The following SLIT2 variants were observed in gnomAD, a reference collection of about 807,000 sequenced individuals.
SLIT2 encodes the protein slit homolog 2 protein.
Under a neutral mutation model 185.7 loss-of-function variants are expected in SLIT2, and 41 were observed. The observed-to-expected ratio is 0.22, with a 90% CI of 0.17 to 0.29. The LOEUF (loss-of-function observed/expected upper bound fraction) is 0.29, where lower values mean the gene tolerates loss of function less well. Ranked by LOEUF, SLIT2 falls within the 10% of genes least tolerant of loss-of-function variation. The probability of loss-of-function intolerance (pLI) is 1.00; values close to 1 mark genes in which losing one functional copy is unlikely to be tolerated. For synonymous variants in SLIT2, 693 were observed against 680.2 expected, an observed-to-expected ratio of 1.02 and a Z score of -0.29; for missense variants, 1,571 against 1,909.0, an observed-to-expected ratio of 0.82 and a Z score of 3.30.
chr4:20,451,320 T>G (rs1216390602), intron 4 of SLIT2, among the ~76,000 whole-genome samples: 1 of 152,230 alleles, frequency 6.6e-6, no homozygotes, highest in Non-Finnish European at 1.5e-5. Context: ...TTATGACTTC[T>G]TTGGAGTTAA....
intron 4 of SLIT2, among the ~76,000 whole-genome samples, chr4:20,333,846 G>T (rs1181708154): frequency 6.6e-6 from 1 of 152,076 alleles, no homozygotes; most frequent in Non-Finnish European, 1.5e-5. Flanking sequence ...TATGAAAAAT[G>T]GTTTCAGAAG....
intron 4 of SLIT2, among the ~76,000 whole-genome samples, chr4:20,418,549 G>T (rs1245535429): frequency 6.6e-6 from 1 of 152,132 alleles, no homozygotes; most frequent in East Asian, 1.9e-4. Context: ...TGATGAAAAG[G>T]TGTCATAAGA....
intron 4 of SLIT2, among the ~76,000 whole-genome samples, chr4:20,368,235 G>GAAAAAAAAAAAAAAAAAA (rs942235918): frequency 9.5e-6 from 1 of 105,472 alleles, no homozygotes; most frequent in Non-Finnish European, 2.0e-5. Flanking sequence ...AAAAAAAAAA[G>GAAAAAAAAAAAAAAAAAA]AAAAAAAAGA....
At chr4:20,387,803 G>T (rs1483366974) in intron 4 of SLIT2, among the ~76,000 whole-genome samples, 1 of 151,976 alleles carries the variant, frequency 6.6e-6, no homozygotes, top group Admixed American at 6.6e-5. Context: ...AACCTGGATG[G>T]GCCTGGAAGT....
intron 4 of SLIT2, among the ~76,000 whole-genome samples, chr4:20,463,515 A>ATATATG (rs1553906568): frequency 8.9e-6 from 1 of 112,342 alleles, no homozygotes; most frequent in Non-Finnish European, 1.8e-5. Context: ...ATATCCATAT[A>ATATATG]TGTGTGTGTG....
At chr4:20,599,649 A>G (rs1314765476) in intron 33 of SLIT2, among the ~76,000 whole-genome samples, 2 of 152,190 alleles carry the variant, frequency 1.3e-5, no homozygotes, top group Non-Finnish European at 2.9e-5. Flanking sequence ...AGGTTTTTCC[A>G]AACTCTTGAC....
intron 4 of SLIT2, among the ~76,000 whole-genome samples, chr4:20,348,143 C>A (rs527456541): frequency 6.6e-6 from 1 of 152,156 alleles, no homozygotes; most frequent in African/African-American, 2.4e-5. Context: ...AATTTTAATT[C>A]ATAAGTTTTC....
At position 20,542,488 on chromosome 4, in the gene SLIT2, A is replaced by G; in HGVS notation, c.2144-6A>G. 1 of 1,613,078 alleles carries G rather than the reference A, an allele frequency of 6.2e-7. No individual in the cohort carries two copies. Among genetic ancestry groups the G allele is most frequent in the Non-Finnish European group, 8.5e-7 (1 of 1,179,448 alleles). The stretch of plus-strand genomic sequence containing the variant: ...TTGGTTTTCCTGTATTTCCTCTGCG[A>G]TTTAGGAAATGATGACAATAGTTGC... On this transcript the variant is annotated splice_polypyrimidine_tract_variant and splice_region_variant and intron_variant, in intron 20 of 36. Transcript: ENST00000504154.
chr4:20,370,392 A>T (rs191510718), intron 4 of SLIT2, among the ~76,000 whole-genome samples: 96 of 152,190 alleles, frequency 6.3e-4, no homozygotes, highest in African/African-American at 2.1e-3. Context: ...TTAAACAGAG[A>T]GTGTATAGGA....
At chr4:20,427,523 G>A (rs1728649577) in intron 4 of SLIT2, among the ~76,000 whole-genome samples, 1 of 152,196 alleles carries the variant, frequency 6.6e-6, no homozygotes, top group Admixed American at 6.5e-5. Flanking sequence ...TATATGATGT[G>A]CTTATGAGTA....
intron 4 of SLIT2, among the ~76,000 whole-genome samples, chr4:20,460,609 A>T (rs1344655465): frequency 6.6e-6 from 1 of 152,130 alleles, no homozygotes; most frequent in African/African-American, 2.4e-5. Flanking sequence ...CTATTATTTG[A>T]CCAACGTCTC....
At chr4:20,376,115 CTTTTTTTTT>C (rs71653881) in intron 4 of SLIT2, among the ~76,000 whole-genome samples, 6 of 79,654 alleles carry the variant, frequency 7.5e-5, no homozygotes, top group East Asian at 8.0e-4. Context: ...CATTGTTTAA[CTTTTTTTTT>C]TTTTTTTTTT....
chr4:20,567,203 A>C, intron 26 of SLIT2, 59 bp from the exon 27 acceptor site: 4 of 1,438,560 alleles, frequency 2.8e-6, no homozygotes, highest in South Asian at 1.2e-5. Flanking sequence ...AAGGCATACA[A>C]GTAATTAAAA....
intron 4 of SLIT2, among the ~76,000 whole-genome samples, chr4:20,293,982 A>G (rs1400846050): frequency 1.3e-5 from 2 of 151,578 alleles, no homozygotes; most frequent in Non-Finnish European, 2.9e-5. Context: ...ATTTAAAGAC[A>G]CCTACCTGAA....
At position 20,257,904 on chromosome 4, in the gene SLIT2, A is replaced by T. The variant is rs1252837211; in HGVS notation, c.288A>T (p.Arg96Ser). Residue 96 changes from arginine to serine, a missense_variant, in exon 3 of 37, where the codon AGA (arginine) becomes AGT (serine). Arg to Ser is a moderately radical substitution (Grantham distance 110). Coordinates refer to ENST00000504154, the MANE Select transcript of SLIT2 (RefSeq NM_004787.4). ...AGAATAAGATTAGCACCATTGAAAG[A>T]GGAGCATTCCAGGATCTTAAAGAAC... ...LMENKISTIE[R>S]GAFQDLKELE... 1 of 1,574,052 alleles carries T rather than the reference A, an allele frequency of 6.4e-7. No individual in the cohort carries two copies. The highest frequency in any genetic ancestry group is 1.7e-5 in the Admixed American group (1 of 58,950).
chr4:20,583,605 A>G (rs1160425770), intron 29 of SLIT2, among the ~76,000 whole-genome samples: 2 of 152,012 alleles, frequency 1.3e-5, no homozygotes, highest in Non-Finnish European at 2.9e-5. Context: ...GGGTCAAGAG[A>G]TGAGACCATC....
chr4:20,364,367 C>G (rs1229172785), intron 4 of SLIT2: 1 of 688,794 alleles, frequency 1.5e-6, no homozygotes, highest in Non-Finnish European at 1.8e-6. Flanking sequence ...CCCATTAGCT[C>G]TCTACTGCAA....
chr4:20,441,060 C>CAA (rs142000936), intron 4 of SLIT2, among the ~76,000 whole-genome samples: 64 of 141,498 alleles, frequency 4.5e-4, no homozygotes, highest in Non-Finnish European at 4.6e-4. Context: ...CCGAAGCCTC[C>CAA]AAAAAAAAAA....
chr4:20,491,826 A>G lies in SLIT2; in HGVS notation c.841A>G (p.Asn281Asp), dbSNP rs1364577505. The change falls in exon 9 of 37, where the codon AAC (asparagine) becomes GAC (aspartate). Residue 281 changes from asparagine to aspartate, a missense_variant. Transcript: ENST00000504154. ...CTGCCCTGCCGCCTGTACCTGTAGC[A>G]ACAATATCGTAGACTGTCGTGGGAA... ...LHCPAACTCS[N>D]NIVDCRGKGL... The G allele has an allele frequency of 1.2e-6, 2 of 1,613,768 alleles. No individual in the cohort carries two copies. Among genetic ancestry groups the G allele is most frequent in the South Asian group, 2.2e-5 (2 of 91,058 alleles).
Sources: gnomAD v4.1 joint callset for allele counts (sites outside exome capture counted in the v4.1 genomes callset) on GRCh38, gnomAD v4.1.1 for gene constraint, MANE v1.5 for transcripts, NCBI Gene and HGNC (gene_info 2026-07-23, HGNC 2026-07-21) for gene names.